Variants in ASAP3 observed in about 807,000 individuals in gnomAD.
The protein encoded by ASAP3 is ArfGAP with SH3 domain, ankyrin repeat and PH domain 3.
ASAP3 carries 85 observed loss-of-function variants against 118.2 expected under a neutral mutation model. That is an observed-to-expected ratio of 0.72 (90% confidence interval 0.60 to 0.86). The LOEUF is 0.86. ASAP3 is among the 40% of genes least tolerant of loss of function. ASAP3 has a pLI of 0.00. For synonymous variants in ASAP3, 432 were observed against 477.4 expected (o/e 0.90, Z 1.24); for missense variants, 1,026 against 1,175.0 (o/e 0.87, Z 1.85).
At chr1:23,477,396 A>G (rs1022318432) in intron 1 of ASAP3, among the ~76,000 whole-genome samples, 9 of 150,854 alleles carry the variant, frequency 6.0e-5, no homozygotes, top group South Asian at 2.1e-4. Flanking sequence ...AAAAAAAAAA[A>G]AAGAAGATGT....
rs1161990495 is a variant in ASAP3 at position 23,436,853 on chromosome 1, A to G, written c.1476+58T>C. On this transcript the variant is annotated intron_variant, in intron 15 of 24. Coordinates refer to ENST00000336689, the MANE Select transcript of ASAP3 (RefSeq NM_017707.4). The surrounding 1 kb of genome is among the most constrained non-coding windows in gnomAD (Gnocchi z 4.2). ...CACAACCTGCAAGCCCCGCCCCCGG[A>G]TGAAACTACACCCCTAACTCCGCTT... 21 of 1,460,734 alleles carry G rather than the reference A, an allele frequency of 1.4e-5. No individual in the cohort carries two copies. Among genetic ancestry groups the G allele is most frequent in the Non-Finnish European group, 1.9e-5 (21 of 1,087,830 alleles). The allele number at this position is 1,460,734 out of a possible 1,614,324, so 90.5% of individuals were successfully genotyped here. A position where few individuals can be genotyped will look rare whatever the true frequency, so the allele number is the denominator to read the frequency against.
At chr1:23,451,642 G>T in intron 4 of ASAP3, 114 bp from the exon 5 acceptor site, 1 of 1,202,332 alleles carries the variant, frequency 8.3e-7, no homozygotes, top group Non-Finnish European at 1.2e-6. Context: ...GCTGCTCAGA[G>T]CCCTTCTCTA....
intron 1 of ASAP3, among the ~76,000 whole-genome samples, chr1:23,473,287 G>A (rs576833721): frequency 6.6e-6 from 1 of 152,344 alleles, no homozygotes; most frequent in African/African-American, 2.4e-5. Flanking sequence ...GTAGCCCGCA[G>A]CAGCTGAGAT....
chr1:23,467,107 G>A (rs1463119901), intron 1 of ASAP3, among the ~76,000 whole-genome samples: 1 of 151,522 alleles, frequency 6.6e-6, no homozygotes, highest in East Asian at 1.9e-4. Context: ...CAGGTAATCC[G>A]CCCGCCTCAG....
At chr1:23,460,381 G>A (rs78891908) in intron 1 of ASAP3, among the ~76,000 whole-genome samples, 10,069 of 151,736 alleles carry the variant, frequency 0.066, 1,068 homozygotes, top group African/African-American at 0.22. Flanking sequence ...GTGGCACACC[G>A]CTGTAGTCCC....
Position 23,434,356 on chromosome 1 carries a change from C to T in ASAP3, c.1849G>A (p.Ala617Thr). The change falls in exon 19 of 25, where the codon GCC becomes ACC. Residue 617 changes from alanine (A) to threonine (T), a missense_variant. Transcript: ENST00000336689. ...GCCGTGTTCCCGTCAGCAGCCTTGG[C>T]ATCCAGGTGACCACTGGGGAGAGGA... ...FIIQNGGHLD[A>T]KAADGNTALH... 6.2e-7 allele frequency: 1 copy of T among 1,614,110 alleles called. No homozygotes were observed. The highest frequency in any genetic ancestry group is 1.1e-5 in the South Asian group (1 of 91,082).
chr1:23,484,345 C>G (rs975232598), upstream of ASAP3: 2 of 417,408 alleles, frequency 4.8e-6, no homozygotes, highest in Non-Finnish European at 7.4e-6. Flanking sequence ...CCGCCAAGGT[C>G]CAGGCTCCGG....
chr1:23,484,125 C>A lies in ASAP3; in HGVS notation c.9G>T (p.Glu3Asp). Residue 3 changes from glutamate (E) to aspartate (D), a missense_variant, in exon 1 of 25, where the codon GAG (glutamate) becomes GAT (aspartate). Glu to Asp is a conservative substitution (Grantham distance 45). Transcript: ENST00000336689. MPEQFSVAEFLAV... is the reference protein window; with the variant it reads MPDQFSVAEFLAV... ...CCAGGAACTCGGCGACGCTGAACTG[C>A]TCCGGCATGGCGGGCGCGAGCGTGG... 1 of 1,291,004 alleles carries A rather than the reference C, an allele frequency of 7.7e-7. No individual in the cohort carries two copies. The highest frequency in any genetic ancestry group is 9.8e-7 in the Non-Finnish European group (1 of 1,021,554). The allele number at this position is 1,291,004 out of a possible 1,614,324, so 80.0% of individuals were successfully genotyped here.
chr1:23,441,586 C>T (rs1387870118), intron 8 of ASAP3, 69 bp downstream of exon 8: 1 of 1,604,516 alleles, frequency 6.2e-7, no homozygotes, highest in Non-Finnish European at 8.5e-7. Context: ...GCCAGCTCTT[C>T]CACACCCACA....
chr1:23,448,141 G>A (rs1393535221), intron 5 of ASAP3, among the ~76,000 whole-genome samples: 3 of 152,242 alleles, frequency 2.0e-5, no homozygotes, highest in Admixed American at 6.5e-5. Context: ...GTGGGTGAAA[G>A]TACTTAAATG....
chr1:23,431,236 A>C (rs1475526198), intron 23 of ASAP3, 111 bp from the exon 24 acceptor site: 5 of 1,123,498 alleles, frequency 4.5e-6, no homozygotes, highest in Middle Eastern at 2.2e-4. Flanking sequence ...GGGTGGGTAG[A>C]GTCCACAAGG....
intron 5 of ASAP3, among the ~76,000 whole-genome samples, chr1:23,446,797 C>T (rs1251714917): frequency 6.6e-6 from 1 of 152,200 alleles, no homozygotes; most frequent in Non-Finnish European, 1.5e-5. Context: ...CTGCATCCTT[C>T]TGCTCCATCC....
chr1:23,455,992 G>C lies in ASAP3; in HGVS notation c.237C>G (p.Ala79=). Residue 79 remains alanine, a synonymous_variant, in exon 3 of 25, where the codon GCC becomes GCG. Transcript: ENST00000336689. ...HVENEEQYRE[A]VESLGNSHLS... is the part of the protein sequence containing the mutation. Reference sequence around the variant, plus strand: ...GGTGGCTGTTGCCTAAGGATTCCACGGCCTCTCGGTACTGCTCTTCATTCT... The same window carrying C: ...GGTGGCTGTTGCCTAAGGATTCCACCGCCTCTCGGTACTGCTCTTCATTCT... 6.2e-7 allele frequency: 1 copy of C among 1,614,092 alleles called. No homozygotes were observed. Among genetic ancestry groups the C allele is most frequent in the Non-Finnish European group, 8.5e-7 (1 of 1,180,018 alleles).
intron 1 of ASAP3, among the ~76,000 whole-genome samples, chr1:23,475,986 T>C (rs981980036): frequency 1.3e-5 from 2 of 151,256 alleles, no homozygotes; most frequent in African/African-American, 4.9e-5. Flanking sequence ...AAAATAGAAT[T>C]CTTGATTTCT....
intron 1 of ASAP3, among the ~76,000 whole-genome samples, chr1:23,470,816 G>C (rs1381148257): frequency 5.3e-5 from 8 of 152,210 alleles, no homozygotes; most frequent in Non-Finnish European, 2.9e-5. Context: ...GAGGAAGAGG[G>C]GTTGCAAGAA....
chr1:23,438,518 T>G lies in ASAP3; in HGVS notation c.1102+229A>C, dbSNP rs1570341098. Among the ~76,000 whole-genome samples the G allele has an allele frequency of 6.6e-6, 1 of 152,220 alleles. No homozygotes were observed. Among genetic ancestry groups the G allele is most frequent in the East Asian group, 1.9e-4 (1 of 5,202 alleles). ...CCCAGATGACCCAAATCCACTCAAA[T>G]ATGCTCTGTATAAATAGCCACATTT... On this transcript the variant is annotated intron_variant, in intron 12 of 24. Transcript: ENST00000336689. This position sits in a 1 kb window ranked among gnomAD's most constrained non-coding sequence, Gnocchi z 4.9.
At chr1:23,472,792 G>A (rs921285542) in intron 1 of ASAP3, among the ~76,000 whole-genome samples, 2 of 152,066 alleles carry the variant, frequency 1.3e-5, no homozygotes, top group Admixed American at 6.5e-5. Context: ...TACCTGTTAC[G>A]TGCTAGGTTC....
chr1:23,464,491 C>A (rs373454248), intron 1 of ASAP3, among the ~76,000 whole-genome samples: 10 of 151,378 alleles, frequency 6.6e-5, no homozygotes, highest in African/African-American at 2.4e-4. Context: ...CCGACCATTA[C>A]AAAAAATTTT....
In ASAP3 at chr1:23,433,701, C is replaced by T. The variant is rs1365421142; in HGVS notation, c.1952-8G>A. On this transcript the variant is annotated splice_region_variant and splice_polypyrimidine_tract_variant and intron_variant, in intron 19 of 24. Transcript: ENST00000336689. ...TCTCGCCTGCTTCATTTACTGTGAG[C>T]GGGGAAAGTCAGGGTTCATGGTCAT... The T allele has an allele frequency of 1.6e-5, 26 of 1,613,910 alleles. No homozygotes were observed. Among genetic ancestry groups the T allele is most frequent in the Non-Finnish European group, 2.1e-5 (25 of 1,180,024 alleles).
Sources: allele counts gnomAD v4.1 joint callset (sites outside exome capture counted in the v4.1 genomes callset), GRCh38; gene constraint gnomAD v4.1.1; non-coding constraint Gnocchi (gnomAD v3.1); transcripts MANE v1.5; gene names NCBI Gene and HGNC (gene_info 2026-07-23, HGNC 2026-07-21).